The following SCAI variants were observed in gnomAD, a reference collection of about 807,000 sequenced individuals.
The protein encoded by SCAI is protein SCAI.
SCAI carries 24 observed loss-of-function variants against 92.2 expected under a neutral mutation model. The observed-to-expected ratio is 0.26, with a 90% confidence interval of 0.19 to 0.37. The LOEUF is 0.37. SCAI is among the 10% of genes least tolerant of loss of function. The probability of loss-of-function intolerance (pLI) is 1.00; values close to 1 mark genes in which losing one functional copy is unlikely to be tolerated. For missense variants in SCAI, 450 were observed against 736.2 expected, an observed-to-expected ratio of 0.61 and a Z score of 4.50; for synonymous variants, 261 against 258.6, an observed-to-expected ratio of 1.01 and a Z score of -0.09.
chr9:125,095,884 G>C lies in SCAI; in HGVS notation c.99-39877C>G, dbSNP rs536373731. Reference sequence around the variant, plus strand: ...TGGAGCCACCATAAAGGCCCTGGGAGGCTTAAACTGAGAAAGAATTAAACC... The same window carrying C: ...TGGAGCCACCATAAAGGCCCTGGGACGCTTAAACTGAGAAAGAATTAAACC... On this transcript the variant is annotated intron_variant, in intron 2 of 17. Coordinates refer to ENST00000336505, the MANE Select transcript of SCAI (RefSeq NM_001144877.3). 6.6e-5 allele frequency among the ~76,000 whole-genome samples: 10 copies of C among 152,282 alleles called. No homozygotes were observed. In the South Asian group the frequency reaches 2.1e-3, roughly 32 times the overall value.
At chr9:125,024,341 T>C (rs1352282786) in intron 6 of SCAI, among the ~76,000 whole-genome samples, 2 of 149,802 alleles carry the variant, frequency 1.3e-5, no homozygotes, top group African/African-American at 2.4e-5. Flanking sequence ...AGTGGCGCCA[T>C]CTTGGCTCAC....
intron 17 of SCAI, among the ~76,000 whole-genome samples, chr9:124,954,823 T>G (rs1456479486): frequency 2.6e-5 from 4 of 152,072 alleles, no homozygotes; most frequent in Non-Finnish European, 5.9e-5. Context: ...ATCAAAAAAT[T>G]TGCTTATTCT....
intron 4 of SCAI, 62 bp from the exon 5 acceptor site, chr9:125,028,540 C>G: frequency 1.2e-6 from 1 of 842,430 alleles, no homozygotes; most frequent in Middle Eastern, 2.3e-4. Flanking sequence ...CTAATCAAAT[C>G]TGTAAATTCA....
At chr9:124,990,707 GGAAAAAA>G (rs1832101465) in intron 14 of SCAI, among the ~76,000 whole-genome samples, 1 of 151,124 alleles carries the variant, frequency 6.6e-6, no homozygotes, top group Admixed American at 6.6e-5. Context: ...AGAGAAGGAA[GGAAAAAA>G]GAAAAAAGAA....
At chr9:125,100,049 G>A (rs1305862121) in intron 2 of SCAI, among the ~76,000 whole-genome samples, 3 of 152,160 alleles carry the variant, frequency 2.0e-5, no homozygotes, top group East Asian at 1.9e-4. Flanking sequence ...CTGGGCACAC[G>A]CCCAGAAGTT....
At chr9:125,107,644 C>A (rs922063199) in intron 2 of SCAI, among the ~76,000 whole-genome samples, 1 of 152,016 alleles carries the variant, frequency 6.6e-6, no homozygotes, top group Admixed American at 6.5e-5. Flanking sequence ...CATGTGCCTG[C>A]AGTCCTAGCT....
intron 2 of SCAI, among the ~76,000 whole-genome samples, chr9:125,123,849 C>T (rs1236521779): frequency 6.6e-6 from 1 of 152,236 alleles, no homozygotes; most frequent in Non-Finnish European, 1.5e-5. Context: ...CACGTGTGAG[C>T]ACCTTCAACA....
chr9:125,026,974 T>C (rs1832976653), intron 5 of SCAI, 64 bp from the exon 6 acceptor site: 1 of 941,270 alleles, frequency 1.1e-6, no homozygotes, highest in East Asian at 2.5e-5. Context: ...GGTAAATACT[T>C]GTTCTATATA....
At chr9:125,028,582 C>A in intron 4 of SCAI, 104 bp from the exon 5 acceptor site, 2 of 477,300 alleles carry the variant, frequency 4.2e-6, no homozygotes, top group Non-Finnish European at 3.6e-6. Context: ...TTCAGCAAAG[C>A]TAATGAATTT....
chr9:125,048,831 C>T (rs1833499404), intron 3 of SCAI, among the ~76,000 whole-genome samples: 3 of 151,992 alleles, frequency 2.0e-5, no homozygotes, highest in African/African-American at 7.2e-5. Flanking sequence ...CCACAACATC[C>T]GCCTCCCAGG....
At chr9:124,998,172 T>A (rs1471706042) in intron 13 of SCAI, among the ~76,000 whole-genome samples, 5 of 151,802 alleles carry the variant, frequency 3.3e-5, no homozygotes, top group Non-Finnish European at 7.4e-5. Flanking sequence ...AACCTTGTAT[T>A]AAAAAATTCA....
At chr9:125,081,967 C>T (rs1834228292) in intron 2 of SCAI, among the ~76,000 whole-genome samples, 1 of 152,206 alleles carries the variant, frequency 6.6e-6, no homozygotes, top group Non-Finnish European at 1.5e-5. Context: ...TCCGGGGAGA[C>T]ATTCAAGCCG....
At chr9:124,967,540 G>A (rs1427681623) in intron 17 of SCAI, among the ~76,000 whole-genome samples, 1 of 151,958 alleles carries the variant, frequency 6.6e-6, no homozygotes, top group African/African-American at 2.4e-5. Context: ...TGTTTATTAT[G>A]CTACATCACT....
chr9:124,976,058 A>C, intron 15 of SCAI, 56 bp downstream of exon 15: 1 of 1,059,364 alleles, frequency 9.4e-7, no homozygotes, highest in Non-Finnish European at 1.5e-6. Context: ...ACTATTCATA[A>C]TATAGATAGT....
chr9:125,125,690 C>T (rs1236059732), intron 2 of SCAI, among the ~76,000 whole-genome samples: 6 of 151,138 alleles, frequency 4.0e-5, no homozygotes, highest in Non-Finnish European at 8.8e-5. Flanking sequence ...AAATCAGCCA[C>T]GCATGGTGGC....
chr9:124,962,166 TTTTTGC>T (rs1206369612), intron 17 of SCAI, among the ~76,000 whole-genome samples: 5 of 143,920 alleles, frequency 3.5e-5, no homozygotes, highest in African/African-American at 1.0e-4. Flanking sequence ...TTTTTTTTTT[TTTTTGC>T]GGGGGGGGAT....
intron 17 of SCAI, among the ~76,000 whole-genome samples, chr9:124,963,935 G>C (rs1831492970): frequency 6.6e-6 from 1 of 152,018 alleles, no homozygotes; most frequent in Non-Finnish European, 1.5e-5. Flanking sequence ...GTGGCAGAGA[G>C]AGGAGAGGTG....
chr9:125,040,792 AT>A (rs57170806), intron 3 of SCAI, among the ~76,000 whole-genome samples: 603 of 142,570 alleles, frequency 4.2e-3, no homozygotes, highest in African/African-American at 7.2e-3. Context: ...TGTCCAATTA[AT>A]TTTTTTTTTT....
At chr9:124,998,864 C>G (rs1832300431) in intron 13 of SCAI, among the ~76,000 whole-genome samples, 1 of 151,942 alleles carries the variant, frequency 6.6e-6, no homozygotes, top group African/African-American at 2.4e-5. Flanking sequence ...GTGATCCACC[C>G]ATCTCGGCCT....
Sources: gnomAD v4.1 joint callset for allele counts (sites outside exome capture counted in the v4.1 genomes callset) on GRCh38, gnomAD v4.1.1 for gene constraint, MANE v1.5 for transcripts, NCBI Gene and HGNC (gene_info 2026-07-23, HGNC 2026-07-21) for gene names.